Variants in BAIAP2L2 observed in about 807,000 individuals in gnomAD.
BAIAP2L2 encodes the protein BAR/IMD domain-containing adapter protein 2-like 2.
A neutral mutation model predicts 60.4 loss-of-function variants in BAIAP2L2; 65 were observed. The observed-to-expected ratio is 1.08, with a 90% confidence interval of 0.88 to 1.32. The LOEUF (loss-of-function observed/expected upper bound fraction) is 1.32. BAIAP2L2 is among the 40% of genes most tolerant of loss of function. The probability of loss-of-function intolerance (pLI) is 0.00; values close to 1 mark genes in which losing one functional copy is unlikely to be tolerated. For synonymous variants in BAIAP2L2, 344 were observed against 301.7 expected (o/e 1.14, Z -1.45); for missense variants, 836 against 741.2 (o/e 1.13, Z -1.48).
chr22:38,102,447 T>A (rs758661003), intron 4 of BAIAP2L2, among the ~76,000 whole-genome samples: 4 of 152,176 alleles, frequency 2.6e-5, no homozygotes, highest in African/African-American at 9.7e-5. Context: ...AGAAGAGCTG[T>A]CTTGACTGTG....
rs2086825177 is a variant in BAIAP2L2 at position 38,110,601 on chromosome 22, T to G, written c.-76A>C. The G allele has an allele frequency of 1.6e-6, 2 of 1,276,658 alleles. No individual in the cohort carries two copies. The highest frequency in any genetic ancestry group is 1.5e-5 in the African/African-American group (1 of 66,884). 79.1% of individuals were successfully genotyped at this position (1,276,658 alleles called of 1,614,324 possible). On this transcript the variant is annotated 5_prime_UTR_variant, in exon 1 of 14. Coordinates refer to ENST00000381669, the MANE Select transcript of BAIAP2L2 (RefSeq NM_025045.6). The stretch of plus-strand genomic sequence containing the variant: ...CACAGCCGGGAGCAGTGGTAGGTAG[T>G]CCCTCAGGTGCCCACGACTCAGCTG...
chr22:38,086,591 G>A (rs2086081308), intron 11 of BAIAP2L2, 142 bp from the exon 12 acceptor site: 1 of 666,050 alleles, frequency 1.5e-6, no homozygotes, highest in South Asian at 2.1e-5. Flanking sequence ...GTTGACCGGA[G>A]GGAGGTCCTG....
intron 5 of BAIAP2L2, 52 bp from the exon 6 acceptor site, chr22:38,098,231 A>G: frequency 6.3e-7 from 1 of 1,578,988 alleles, no homozygotes; most frequent in Non-Finnish European, 8.7e-7. Flanking sequence ...CAGAGAGCTC[A>G]AGACACCCCT....
chr22:38,108,711 G>C (rs1441479237), intron 2 of BAIAP2L2, among the ~76,000 whole-genome samples: 1 of 152,106 alleles, frequency 6.6e-6, no homozygotes, highest in Non-Finnish European at 1.5e-5. Flanking sequence ...TGTGTGGGTG[G>C]TGGCCAGTTG....
At chr22:38,099,040 T>G (rs1569226694) in intron 4 of BAIAP2L2, among the ~76,000 whole-genome samples, 4 of 152,198 alleles carry the variant, frequency 2.6e-5, no homozygotes, top group Admixed American at 2.0e-4. Context: ...ACTCAGAAGC[T>G]GTTGAGGTCT....
chr22:38,088,592 G>A (rs947299462), intron 10 of BAIAP2L2, among the ~76,000 whole-genome samples, 156 bp downstream of exon 10: 1 of 152,240 alleles, frequency 6.6e-6, no homozygotes, highest in Non-Finnish European at 1.5e-5. Flanking sequence ...AATGAATGAG[G>A]AAACTGAGGC....
chr22:38,094,908 T>C (rs1373621233), intron 7 of BAIAP2L2, among the ~76,000 whole-genome samples: 1 of 151,860 alleles, frequency 6.6e-6, no homozygotes. Flanking sequence ...TGCCAGCACT[T>C]TGGGAGGCCG....
chr22:38,086,520 G>C, intron 11 of BAIAP2L2, 71 bp from the exon 12 acceptor site: 1 of 1,245,506 alleles, frequency 8.0e-7, no homozygotes, highest in Non-Finnish European at 1.1e-6. Context: ...GCCAGTAGCT[G>C]GGGCACCTTA....
chr22:38,097,156 G>C lies in BAIAP2L2; in HGVS notation c.488C>G (p.Ala163Gly). 1 of 1,613,758 alleles carries C rather than the reference G, an allele frequency of 6.2e-7. No individual in the cohort carries two copies. Among genetic ancestry groups the C allele is most frequent in the Non-Finnish European group, 8.5e-7 (1 of 1,180,004 alleles). Residue 163 changes from alanine (A) to glycine (G), a missense_variant, in exon 7 of 14, where the codon GCA (alanine) becomes GGA (glycine). By Grantham distance (60) the Ala-to-Gly change is moderately conservative (BLOSUM62 0). Coordinates refer to ENST00000381669, the MANE Select transcript of BAIAP2L2 (RefSeq NM_025045.6). ...CTCAGACACGAAGGCCTGCATCTGTGCGTGCAGCCGGTTCACACTCTCCTG... is the reference window on the plus strand; with the variant it reads ...CTCAGACACGAAGGCCTGCATCTGTCCGTGCAGCCGGTTCACACTCTCCTG... ...EMKESVNRLH[A>G]QMQAFVSESQ...
chr22:38,106,620 C>G (rs141601690), intron 4 of BAIAP2L2, among the ~76,000 whole-genome samples: 49 of 152,188 alleles, frequency 3.2e-4, no homozygotes, highest in African/African-American at 1.1e-3. Flanking sequence ...TCCAGGGGCT[C>G]CCCTTCACAC....
rs188514363 is a variant in BAIAP2L2 at position 38,085,712 on chromosome 22, C to T, written c.1488G>A (p.Gln496=). 3.3e-4 allele frequency: 535 copies of T among 1,610,790 alleles called. 1 individual carries two copies. Among genetic ancestry groups the T allele is most frequent in the Non-Finnish European group, 2.1e-4 (248 of 1,178,934 alleles). The change falls in exon 13 of 14, where the codon CAG becomes CAA. Residue 496 remains glutamine, a synonymous_variant. Coordinates refer to ENST00000381669, the MANE Select transcript of BAIAP2L2 (RefSeq NM_025045.6). ...TDVKKLMSSE[Q]YPPQELFPRG... is the part of the protein sequence containing the mutation. ...TCGGGAAGAGCTCCTGTGGTGGGTA[C>T]TGCTCTGAGGACATCAGTTTCTGCA...
intron 6 of BAIAP2L2, among the ~76,000 whole-genome samples, chr22:38,097,834 G>A (rs1303397779): frequency 6.6e-6 from 1 of 152,172 alleles, no homozygotes; most frequent in Non-Finnish European, 1.5e-5. Flanking sequence ...GGGATTCTGG[G>A]TAAGGCCAGT....
At chr22:38,094,971 G>A (rs1395496230) in intron 7 of BAIAP2L2, among the ~76,000 whole-genome samples, 1 of 152,116 alleles carries the variant, frequency 6.6e-6, no homozygotes, top group Non-Finnish European at 1.5e-5. Flanking sequence ...GGCCAACATG[G>A]TGAAACCCTG....
At chr22:38,087,001 A>G in intron 11 of BAIAP2L2, 123 bp downstream of exon 11, 1 of 1,270,110 alleles carries the variant, frequency 7.9e-7, no homozygotes, top group Middle Eastern at 2.8e-4. Context: ...GTCTCAAAAA[A>G]AAAAAAACAA....
intron 2 of BAIAP2L2, among the ~76,000 whole-genome samples, chr22:38,108,607 G>A (rs1487645848): frequency 6.6e-6 from 1 of 152,188 alleles, no homozygotes; most frequent in African/African-American, 2.4e-5. Context: ...GCACTGGTGG[G>A]TAGTGGGGTG....
chr22:38,109,541 G>A (rs1310924514), intron 1 of BAIAP2L2, among the ~76,000 whole-genome samples: 3 of 152,160 alleles, frequency 2.0e-5, no homozygotes, highest in South Asian at 2.1e-4. Flanking sequence ...AAGCTGGCCC[G>A]CCTGCTGTGG....
At chr22:38,095,066 A>G (rs1475285001) in intron 7 of BAIAP2L2, among the ~76,000 whole-genome samples, 1 of 152,108 alleles carries the variant, frequency 6.6e-6, no homozygotes, top group Non-Finnish European at 1.5e-5. Context: ...CAGGAGAATC[A>G]CTTGAACCTG....
Position 38,088,959 on chromosome 22 carries a change from G to A in BAIAP2L2, c.907C>T (p.Leu303Phe), listed in dbSNP as rs867330342. ...GAGCTTTGGGCGCTGCCGCTGTAGA[G>A]CGAGGCTGTGGGCGGGAGAGCGCGG... ...SLPRTPSASS[L>F]YSGSAQSSRS... The change falls in exon 10 of 14, where the codon CTC becomes TTC. Residue 303 changes from leucine (L) to phenylalanine (F), a missense_variant. Leu to Phe is a conservative substitution (Grantham distance 22). Transcript: ENST00000381669. 5 of 1,522,896 alleles carry A rather than the reference G, an allele frequency of 3.3e-6. No homozygotes were observed. In the Middle Eastern group the frequency reaches 6.9e-4, roughly 210 times the overall value. 94.3% of individuals were successfully genotyped at this position (1,522,896 alleles called of 1,614,324 possible).
At chr22:38,093,853 A>G (rs900995345) in intron 7 of BAIAP2L2, 7 of 456,036 alleles carry the variant, frequency 1.5e-5, no homozygotes, top group African/African-American at 1.2e-4. Flanking sequence ...TATATACCCA[A>G]GAGAGATGAA....
Sources: gnomAD v4.1 joint callset for allele counts (sites outside exome capture counted in the v4.1 genomes callset) on GRCh38, gnomAD v4.1.1 for gene constraint, MANE v1.5 for transcripts, NCBI Gene and HGNC (gene_info 2026-07-23, HGNC 2026-07-21) for gene names.